Variants in MCTP1 observed in about 807,000 individuals in gnomAD.
MCTP1 encodes multiple C2 and transmembrane domain containing 1.
MCTP1 carries 69 observed loss-of-function variants against 120.6 expected under a neutral mutation model. The observed-to-expected ratio is 0.57, with a 90% CI of 0.47 to 0.70. The LOEUF (loss-of-function observed/expected upper bound fraction) is 0.70. Ranked by LOEUF, MCTP1 falls within the 30% of genes least tolerant of loss-of-function variation. The pLI is 0.00. For missense variants in MCTP1, 1,203 were observed against 1,248.8 expected, an observed-to-expected ratio of 0.96 and a Z score of 0.55; for synonymous variants, 529 against 493.1, an observed-to-expected ratio of 1.07 and a Z score of -0.96.
chr5:95,192,828 G>A (rs1393281205), intron 1 of MCTP1, among the ~76,000 whole-genome samples: 3 of 152,022 alleles, frequency 2.0e-5, no homozygotes, highest in South Asian at 2.1e-4. Flanking sequence ...GGCCTATTAC[G>A]GTTCCAGTGA....
chr5:94,903,185 C>A (rs763031571), intron 10 of MCTP1, among the ~76,000 whole-genome samples: 1 of 151,636 alleles, frequency 6.6e-6, no homozygotes, highest in East Asian at 1.9e-4. Flanking sequence ...TTTTTTTAAA[C>A]TCTCTTCAGT....
At chr5:94,883,297 T>C (rs568103192) in intron 12 of MCTP1, among the ~76,000 whole-genome samples, 2 of 152,316 alleles carry the variant, frequency 1.3e-5, no homozygotes, top group East Asian at 3.9e-4. Flanking sequence ...GGATAAAATG[T>C]CTTCTCATGG....
At chr5:94,933,941 TA>T (rs2153485656) in intron 5 of MCTP1, among the ~76,000 whole-genome samples, 1 of 151,974 alleles carries the variant, frequency 6.6e-6, no homozygotes, top group African/African-American at 2.4e-5. Context: ...AGTCAGTGAT[TA>T]CCCTAAGTAT....
intron 2 of MCTP1, among the ~76,000 whole-genome samples, chr5:94,969,885 C>A (rs1826398259): frequency 6.6e-6 from 1 of 151,884 alleles, no homozygotes; most frequent in Non-Finnish European, 1.5e-5. Context: ...CTATTCTATT[C>A]CCTCATTTTT....
At chr5:94,719,859 G>A (rs1760445777) in intron 19 of MCTP1, among the ~76,000 whole-genome samples, 1 of 152,200 alleles carries the variant, frequency 6.6e-6, no homozygotes, top group Admixed American at 6.5e-5. Flanking sequence ...GCTGGGCCCA[G>A]TGGCTCATGC....
At chr5:95,084,414 A>T (rs1755274405) in intron 1 of MCTP1, among the ~76,000 whole-genome samples, 2 of 152,032 alleles carry the variant, frequency 1.3e-5, no homozygotes, top group Admixed American at 1.3e-4. Context: ...CCAGTTTTTC[A>T]GTCTGGTTAA....
At chr5:94,814,561 C>T (rs1011447111) in intron 17 of MCTP1, among the ~76,000 whole-genome samples, 1 of 152,040 alleles carries the variant, frequency 6.6e-6, no homozygotes, top group Non-Finnish European at 1.5e-5. Context: ...ATAATGCTAC[C>T]ACCATAAGGT....
chr5:95,070,698 T>A (rs930630890), intron 1 of MCTP1, among the ~76,000 whole-genome samples: 1 of 152,178 alleles, frequency 6.6e-6, no homozygotes, highest in Non-Finnish European at 1.5e-5. Context: ...TGGCCATGTG[T>A]GAGACTGGGG....
intron 10 of MCTP1, among the ~76,000 whole-genome samples, chr5:94,906,848 TACTC>T (rs1807049021): frequency 6.6e-6 from 1 of 152,184 alleles, no homozygotes; most frequent in African/African-American, 2.4e-5. Flanking sequence ...ACTTTAAACT[TACTC>T]ACAAGCCTCC....
At chr5:95,167,683 G>C (rs1746603591) in intron 1 of MCTP1, among the ~76,000 whole-genome samples, 1 of 152,192 alleles carries the variant, frequency 6.6e-6, no homozygotes, top group Non-Finnish European at 1.5e-5. Flanking sequence ...TTTTTCATGT[G>C]TCTTTTGGCT....
At chr5:95,068,949 C>A in intron 1 of MCTP1, 1 of 279,384 alleles carries the variant, frequency 3.6e-6, no homozygotes, top group East Asian at 1.7e-4. Flanking sequence ...AGATTGTGAG[C>A]AGGTATCTTT....
intron 10 of MCTP1, among the ~76,000 whole-genome samples, chr5:94,899,616 T>C (rs1002358143): frequency 6.6e-6 from 1 of 152,190 alleles, no homozygotes; most frequent in Non-Finnish European, 1.5e-5. Flanking sequence ...AATGCAGAAG[T>C]TATCTCCTTG....
chr5:95,217,160 A>T (rs1182421419), intron 1 of MCTP1, among the ~76,000 whole-genome samples: 2 of 152,246 alleles, frequency 1.3e-5, no homozygotes, highest in Admixed American at 6.5e-5. Flanking sequence ...TTAATCATGC[A>T]CATTCATATT....
At chr5:95,058,140 C>T (rs1747919724) in intron 1 of MCTP1, among the ~76,000 whole-genome samples, 1 of 152,192 alleles carries the variant, frequency 6.6e-6, no homozygotes, top group African/African-American at 2.4e-5. Flanking sequence ...ATAGCTGATG[C>T]TTCGGCTCGT....
chr5:94,830,739 G>A (rs767537399), intron 17 of MCTP1, among the ~76,000 whole-genome samples: 1 of 152,136 alleles, frequency 6.6e-6, no homozygotes, highest in Non-Finnish European at 1.5e-5. Context: ...GCTACCTCAC[G>A]GTCACGCTCT....
At chr5:94,993,820 T>C (rs1209406336) in intron 2 of MCTP1, among the ~76,000 whole-genome samples, 1 of 152,202 alleles carries the variant, frequency 6.6e-6, no homozygotes, top group Non-Finnish European at 1.5e-5. Flanking sequence ...ATCAATAAAA[T>C]GTTCTTGGGA....
chr5:94,826,729 C>A, intron 17 of MCTP1: 1 of 367,248 alleles, frequency 2.7e-6, no homozygotes, highest in South Asian at 2.9e-5. Flanking sequence ...TTGACACATC[C>A]ACTTAAAGTC....
intron 1 of MCTP1, among the ~76,000 whole-genome samples, chr5:95,148,305 G>C (rs1470705970): frequency 1.2e-5 from 1 of 82,282 alleles, no homozygotes; most frequent in Admixed American, 1.3e-4. Flanking sequence ...TGTTTTCCAA[G>C]TTGCTTACTC....
At chr5:94,829,264 C>T (rs1381089892) in intron 17 of MCTP1, among the ~76,000 whole-genome samples, 1 of 152,168 alleles carries the variant, frequency 6.6e-6, no homozygotes, top group Non-Finnish European at 1.5e-5. Context: ...GGCGACGCCC[C>T]ACCCTGCTTC....
Sources: gnomAD v4.1 joint callset for allele counts (sites outside exome capture counted in the v4.1 genomes callset) on GRCh38, gnomAD v4.1.1 for gene constraint, MANE v1.5 for transcripts, NCBI Gene and HGNC (gene_info 2026-07-23, HGNC 2026-07-21) for gene names.